The following CD2AP variants were observed in gnomAD, a reference collection of about 807,000 sequenced individuals.
CD2AP encodes the protein CD2 associated protein.
In CD2AP, 46 loss-of-function variants were observed where a neutral mutation model predicts 85.1. The ratio of observed to expected loss-of-function variants is 0.54; its 90% CI spans 0.43 to 0.69. The LOEUF is 0.69. CD2AP is among the 30% of genes least tolerant of loss of function. CD2AP has a pLI of 0.00. For missense variants in CD2AP, 769 were observed against 729.5 expected, an observed-to-expected ratio of 1.05 and a Z score of -0.62; for synonymous variants, 255 against 252.9, an observed-to-expected ratio of 1.01 and a Z score of -0.08.
intron 13 of CD2AP, among the ~76,000 whole-genome samples, chr6:47,599,937 T>C (rs1769082998): frequency 6.6e-6 from 1 of 151,890 alleles, no homozygotes; most frequent in South Asian, 2.1e-4. Context: ...GGACTGGTTT[T>C]TCAGCTTACT....
intron 1 of CD2AP, among the ~76,000 whole-genome samples, chr6:47,489,682 C>T (rs1765673856): frequency 6.6e-6 from 1 of 152,176 alleles, no homozygotes; most frequent in South Asian, 2.1e-4. Flanking sequence ...TTAGTCTTCC[C>T]ATTCTTCAGG....
At position 47,499,777 on chromosome 6, in the gene CD2AP, C is replaced by T. The variant is rs140070953; in HGVS notation, c.5-3503C>T. Among the ~76,000 whole-genome samples, 33 of 152,248 alleles carry T rather than the reference C, an allele frequency of 2.2e-4. No individual in the cohort carries two copies. In the East Asian group the frequency reaches 5.2e-3, roughly 24 times the overall value. Reference sequence around the variant, plus strand: ...GTTGTTTTTGAGACAGAGTCTTGCTCTGTCGCAGTGGCACGACCTCGGCTC... The same window carrying T: ...GTTGTTTTTGAGACAGAGTCTTGCTTTGTCGCAGTGGCACGACCTCGGCTC... On this transcript the variant is annotated intron_variant, in intron 1 of 17. Transcript: ENST00000359314.
At chr6:47,507,240 T>G (rs1280015738) in intron 2 of CD2AP, among the ~76,000 whole-genome samples, 1 of 152,198 alleles carries the variant, frequency 6.6e-6, no homozygotes, top group Non-Finnish European at 1.5e-5. Context: ...ACATCTACCG[T>G]TAACTTCCCC....
intron 1 of CD2AP, among the ~76,000 whole-genome samples, chr6:47,501,665 GGTGTGTGT>G (rs140480387): frequency 2.0e-5 from 3 of 150,478 alleles, no homozygotes; most frequent in Admixed American, 2.0e-4. Flanking sequence ...TGTGGTTGTT[GGTGTGTGT>G]GTGTGTGTGT....
intron 10 of CD2AP, among the ~76,000 whole-genome samples, chr6:47,581,483 G>T (rs1490765164): frequency 6.6e-6 from 1 of 151,894 alleles, no homozygotes. Flanking sequence ...TGTCGCCCTT[G>T]GTTTTAGCTT....
intron 12 of CD2AP, among the ~76,000 whole-genome samples, chr6:47,598,060 A>G (rs1768997631): frequency 6.6e-6 from 1 of 150,990 alleles, no homozygotes; most frequent in African/African-American, 2.4e-5. Flanking sequence ...AAAGCAAGAA[A>G]GAAACAATCC....
At chr6:47,578,457 C>T (rs557782413) in intron 8 of CD2AP, among the ~76,000 whole-genome samples, 15 of 152,262 alleles carry the variant, frequency 9.9e-5, no homozygotes, top group Middle Eastern at 3.4e-3. Flanking sequence ...AGGCAATCTT[C>T]CCACATCAGC....
intron 17 of CD2AP, among the ~76,000 whole-genome samples, chr6:47,616,597 A>C (rs538791925): frequency 6.6e-6 from 1 of 152,310 alleles, no homozygotes. Flanking sequence ...ACTACTTTGC[A>C]TGAAAATACT....
intron 3 of CD2AP, among the ~76,000 whole-genome samples, chr6:47,539,057 T>C (rs1457893332): frequency 6.6e-6 from 1 of 152,206 alleles, no homozygotes. Flanking sequence ...TCTAGGCAAT[T>C]AATTAAATCT....
At chr6:47,601,987 G>A (rs947654733) in intron 13 of CD2AP, among the ~76,000 whole-genome samples, 1 of 151,832 alleles carries the variant, frequency 6.6e-6, no homozygotes, top group Non-Finnish European at 1.5e-5. Context: ...TACCTGACAT[G>A]GAAGTTATTA....
chr6:47,533,576 CT>C lies in CD2AP; in HGVS notation c.166-25del, dbSNP rs1184639523. On this transcript the variant is annotated intron_variant, in intron 2 of 17. Transcript: ENST00000359314. Reference sequence around the variant, plus strand: ...ATATAAAAAATATAACTTAACTTGCCTCTTTATTTATTTTCCCTTTTGTAGG... The same window carrying C: ...ATATAAAAAATATAACTTAACTTGCCCTTTATTTATTTTCCCTTTTGTAGG... 3 of 1,608,312 alleles carry C rather than the reference CT, an allele frequency of 1.9e-6. No homozygotes were observed. The African/African-American group carries it at 4.0e-5, about 22-fold the overall frequency.
At chr6:47,609,654 A>AT (rs1198040067) in intron 16 of CD2AP, 6 of 195,546 alleles carry the variant, frequency 3.1e-5, no homozygotes, top group Non-Finnish European at 6.3e-5. Flanking sequence ...AGCCGTGAAC[A>AT]TGCCAGTGCG....
intron 1 of CD2AP, 88 bp downstream of exon 1, chr6:47,478,336 C>T: frequency 6.8e-7 from 1 of 1,471,100 alleles, no homozygotes; most frequent in Non-Finnish European, 9.3e-7. Flanking sequence ...GGGGAGGCGA[C>T]TGCGGTCAGC....
intron 3 of CD2AP, among the ~76,000 whole-genome samples, chr6:47,542,966 C>T (rs1218983809): frequency 2.6e-5 from 4 of 151,822 alleles, no homozygotes; most frequent in Non-Finnish European, 5.9e-5. Context: ...GCCTGACTAA[C>T]ATGGTGAAAC....
intron 5 of CD2AP, among the ~76,000 whole-genome samples, chr6:47,569,843 G>A (rs756023991): frequency 2.6e-5 from 4 of 152,242 alleles, no homozygotes; most frequent in South Asian, 2.1e-4. Context: ...TCATATATTA[G>A]TATTCACCTT....
At chr6:47,490,408 A>AT (rs146723866) in intron 1 of CD2AP, among the ~76,000 whole-genome samples, 5 of 151,900 alleles carry the variant, frequency 3.3e-5, no homozygotes, top group East Asian at 1.9e-4. Context: ...TTCATATGGT[A>AT]TTTTTTTTGA....
At chr6:47,499,397 A>C (rs929227089) in intron 1 of CD2AP, among the ~76,000 whole-genome samples, 1 of 152,154 alleles carries the variant, frequency 6.6e-6, no homozygotes, top group African/African-American at 2.4e-5. Context: ...TTACGTATTG[A>C]AAACTGTTAA....
Position 47,589,565 on chromosome 6 carries a change from C to CACATATATATATATATATATATATAT in CD2AP, c.1109-6295_1109-6294insCATATATATATATATATATATATATA, listed in dbSNP as rs139814970. 5.3e-3 allele frequency among the ~76,000 whole-genome samples: 642 copies of CACATATATATATATATATATATATAT among 120,784 alleles called. 5 individuals carry two copies. Among genetic ancestry groups the CACATATATATATATATATATATATAT allele is most frequent in the South Asian group, 0.018 (59 of 3,258 alleles). The allele number at this position is 120,784 out of a possible 152,430, so 79.2% of individuals were successfully genotyped here. ...ACACATATATATACACACACACACA[C>CACATATATATATATATATATATATAT]ATATATATATATATATTTGTCAGAG... is the stretch of plus-strand genomic sequence containing the variant. On this transcript the variant is annotated intron_variant, in intron 11 of 17. Coordinates refer to ENST00000359314, the MANE Select transcript of CD2AP (RefSeq NM_012120.3).
chr6:47,503,382 G>A lies in CD2AP; in HGVS notation c.107G>A (p.Gly36Glu), dbSNP rs772360705. Residue 36 changes from glycine (G) to glutamate (E), a missense_variant, in exon 2 of 18, where the codon GGG becomes GAG. Coordinates refer to ENST00000359314, the MANE Select transcript of CD2AP (RefSeq NM_012120.3). ...AATGTGAAAAAGCTACAGGAGGAAG[G>A]GTGGCTGGAAGGAGAACTAAATGGG... ...IRNVKKLQEE[G>E]WLEGELNGRR... 3.1e-6 allele frequency: 5 copies of A among 1,613,720 alleles called. No individual in the cohort carries two copies. The highest frequency in any genetic ancestry group is 4.2e-6 in the Non-Finnish European group (5 of 1,179,846).
Sources: allele counts gnomAD v4.1 joint callset (sites outside exome capture counted in the v4.1 genomes callset), GRCh38; gene constraint gnomAD v4.1.1; transcripts MANE v1.5; gene names NCBI Gene and HGNC (gene_info 2026-07-23, HGNC 2026-07-21).